GSE1: variants seen among roughly 807,000 people sequenced by gnomAD.
The protein encoded by GSE1 is genetic suppressor element 1.
GSE1 carries 32 observed loss-of-function variants against 112.6 expected under a neutral mutation model. The observed-to-expected ratio is 0.28, with a 90% CI of 0.21 to 0.38. The LOEUF is 0.38. Ranked by LOEUF, GSE1 falls within the 10% of genes least tolerant of loss-of-function variation. The probability of loss-of-function intolerance (pLI) is 1.00; values close to 1 mark genes in which losing one functional copy is unlikely to be tolerated. For missense variants in GSE1, 2,348 were observed against 1,699.2 expected (o/e 1.38, Z -6.71); for synonymous variants, 1,115 against 735.6 (o/e 1.52, Z -8.35).
intron 1 of GSE1, among the ~76,000 whole-genome samples, chr16:85,591,331 C>T (rs912683754): frequency 6.6e-6 from 1 of 152,186 alleles, no homozygotes; most frequent in Admixed American, 6.5e-5. Context: ...CCTGTCACCC[C>T]CAGCCTGAAT....
At chr16:85,198,797 G>A (rs919511563) in intron 1 of GSE1, among the ~76,000 whole-genome samples, 5 of 151,696 alleles carry the variant, frequency 3.3e-5, no homozygotes, top group Non-Finnish European at 5.9e-5. Context: ...TTTTTATTTC[G>A]AGACAGGGTC....
Position 85,674,377 on chromosome 16 carries a change from C to G in GSE1, c.*1838C>G, listed in dbSNP as rs555050883. 18 of 152,386 alleles carry G rather than the reference C, an allele frequency of 1.2e-4. No homozygotes were observed. Among genetic ancestry groups the G allele is most frequent in the African/African-American group, 4.3e-4 (18 of 41,580 alleles). The allele number at this position is 152,386 out of a possible 1,614,324, so 9.4% of individuals were successfully genotyped here. The stretch of plus-strand genomic sequence containing the variant: ...TTATCAGCAGTCAACAAGCACCTTC[C>G]TCTCCACAGAAGCAGCTGGAAGAGA... On this transcript the variant is annotated 3_prime_UTR_variant, in exon 16 of 16. Transcript: ENST00000253458.
At chr16:85,331,443 G>GTA (rs1407315819) in intron 1 of GSE1, among the ~76,000 whole-genome samples, 1 of 132,674 alleles carries the variant, frequency 7.5e-6, no homozygotes, top group East Asian at 2.1e-4. Context: ...ATATATATGC[G>GTA]TATATATGTA....
intron 2 of GSE1, among the ~76,000 whole-genome samples, chr16:85,438,133 G>A (rs1048388628): frequency 1.3e-5 from 2 of 152,184 alleles, no homozygotes; most frequent in African/African-American, 2.4e-5. Flanking sequence ...AGGATACTGT[G>A]TTTTCGTCTC....
chr16:85,525,580 G>A (rs1469011201), intron 2 of GSE1, among the ~76,000 whole-genome samples: 1 of 152,222 alleles, frequency 6.6e-6, no homozygotes, highest in Non-Finnish European at 1.5e-5. Flanking sequence ...AATGGGGGGT[G>A]TCACTGCCCA....
intron 2 of GSE1, among the ~76,000 whole-genome samples, chr16:85,372,938 T>G (rs2047333797): frequency 6.6e-6 from 1 of 152,206 alleles, no homozygotes; most frequent in African/African-American, 2.4e-5. Context: ...GTCACAGAGC[T>G]GGGTTGCAAA....
In GSE1 at chr16:85,556,765, G is replaced by A. The variant is rs866759005; in HGVS notation, c.37+402G>A. Among the ~76,000 whole-genome samples the A allele has an allele frequency of 7.3e-5, 5 of 68,738 alleles. No homozygotes were observed. The Middle Eastern group carries it at 0.029, about 398-fold the overall frequency. The allele number at this position is 68,738 out of a possible 152,430, so 45.1% of individuals were successfully genotyped here. On this transcript the variant is annotated intron_variant, in intron 1 of 2. Transcript: ENST00000635906. ...GGGTAGCATGCCCCCCCCCCCCCCA[G>A]TCCTGGGGTTTATTTCCCTCTCCCT...
At chr16:85,652,793 C>T (rs1420580881) in intron 3 of GSE1, among the ~76,000 whole-genome samples, 1 of 152,166 alleles carries the variant, frequency 6.6e-6, no homozygotes, top group Non-Finnish European at 1.5e-5. Context: ...CTCAGAGCCC[C>T]TGGGCCATCA....
At chr16:85,527,275 G>A (rs2052394487) in intron 2 of GSE1, among the ~76,000 whole-genome samples, 1 of 152,254 alleles carries the variant, frequency 6.6e-6, no homozygotes, top group Non-Finnish European at 1.5e-5. Flanking sequence ...GCACACGCGC[G>A]TGTTAAAGGG....
At chr16:85,194,903 T>A (rs1160377781) in intron 1 of GSE1, among the ~76,000 whole-genome samples, 1 of 152,024 alleles carries the variant, frequency 6.6e-6, no homozygotes, top group Non-Finnish European at 1.5e-5. Flanking sequence ...AGTGAGTGGC[T>A]AAAAATGGCT....
At chr16:85,362,174 C>T (rs761966896) in intron 2 of GSE1, among the ~76,000 whole-genome samples, 7 of 152,330 alleles carry the variant, frequency 4.6e-5, no homozygotes, top group Admixed American at 6.5e-5. Flanking sequence ...CTTCAGCTGC[C>T]GGGAGAAGGG....
rs78886438 is a variant in GSE1 at position 85,430,193 on chromosome 16, C to A, written c.2464+72550C>A. Among the ~76,000 whole-genome samples, 673 of 152,322 alleles carry A rather than the reference C, an allele frequency of 4.4e-3. 4 individuals carry two copies. Among genetic ancestry groups the A allele is most frequent in the East Asian group, 0.033 (173 of 5,172 alleles). Reference sequence around the variant, plus strand: ...TGCCCGTGAGCACATTTAATCCTCACAACCTCATGGGTCATGAAGCCCATT... The same window carrying A: ...TGCCCGTGAGCACATTTAATCCTCAAAACCTCATGGGTCATGAAGCCCATT... On this transcript the variant is annotated intron_variant, in intron 2 of 2. Transcript: ENST00000637419.
At chr16:85,236,192 C>T (rs1303741202) in intron 1 of GSE1, among the ~76,000 whole-genome samples, 4 of 152,206 alleles carry the variant, frequency 2.6e-5, no homozygotes, top group African/African-American at 9.7e-5. Flanking sequence ...GGGACCGGCT[C>T]TTGGGGCCCC....
intron 1 of GSE1, among the ~76,000 whole-genome samples, chr16:85,579,412 C>T (rs139897305): frequency 1.3e-5 from 2 of 152,274 alleles, no homozygotes; most frequent in East Asian, 3.9e-4. Context: ...TTGGGGAGGG[C>T]GCTTTGTATT....
Position 85,544,127 on chromosome 16 carries a change from G to A in GSE1, c.2465-89787G>A, listed in dbSNP as rs553274918. Among the ~76,000 whole-genome samples the A allele has an allele frequency of 2.4e-3, 369 of 152,224 alleles. 1 individual carries two copies. The highest frequency in any genetic ancestry group is 8.2e-3 in the African/African-American group (340 of 41,534). On this transcript the variant is annotated intron_variant, in intron 2 of 2. Coordinates refer to the GSE1 transcript ENST00000637419. ...TGGGATTACAGGCGTGAGCCACTGC[G>A]CCAGCCTGTAGACATATTTTGATTG...
rs145018396 is a variant in GSE1 at position 85,205,983 on chromosome 16, C to T, written c.2283+34176C>T. Among the ~76,000 whole-genome samples the T allele has an allele frequency of 1.3e-4, 20 of 152,340 alleles. No individual in the cohort carries two copies. The East Asian group carries it at 3.5e-3, about 26-fold the overall frequency. On this transcript the variant is annotated intron_variant, in intron 1 of 2. Coordinates refer to the GSE1 transcript ENST00000637419. ...GGAGCTTCCAGTCTGGTGGGAGAGA[C>T]AGATGTCGGTGGCCAAATCACACAA... is the stretch of plus-strand genomic sequence containing the variant.
intron 2 of GSE1, among the ~76,000 whole-genome samples, chr16:85,638,001 G>A (rs962057183): frequency 1.3e-5 from 2 of 152,214 alleles, no homozygotes; most frequent in Admixed American, 1.3e-4. Context: ...CGCACCCAGG[G>A]AACAGCAGAG....
chr16:85,517,229 T>G (rs1017896189), intron 2 of GSE1, among the ~76,000 whole-genome samples: 2 of 151,830 alleles, frequency 1.3e-5, no homozygotes, highest in African/African-American at 4.8e-5. Context: ...GATGGGTCCC[T>G]CCTGGTGTCT....
At chr16:85,431,582 G>A (rs2049122403) in intron 2 of GSE1, among the ~76,000 whole-genome samples, 1 of 152,316 alleles carries the variant, frequency 6.6e-6, no homozygotes, top group African/African-American at 2.4e-5. Flanking sequence ...CCGGGGTGGT[G>A]GCCGTGGCAG....
Sources: allele counts gnomAD v4.1 joint callset (sites outside exome capture counted in the v4.1 genomes callset), GRCh38; gene constraint gnomAD v4.1.1; transcripts MANE v1.5; gene names NCBI Gene and HGNC (gene_info 2026-07-23, HGNC 2026-07-21).